The following PLCG2 variants were observed in gnomAD, a reference collection of about 807,000 sequenced individuals.
The protein encoded by PLCG2 is phospholipase C gamma 2.
In PLCG2, 69 loss-of-function variants were observed where a neutral mutation model predicts 175.6. The ratio of observed to expected loss-of-function variants is 0.39; its 90% CI spans 0.32 to 0.48. PLCG2 has a LOEUF of 0.48. PLCG2 is among the 20% of genes least tolerant of loss of function. The pLI is 0.91. For synonymous variants in PLCG2, 827 were observed against 624.0 expected (o/e 1.33, Z -4.85); for missense variants, 1,798 against 1,650.9 (o/e 1.09, Z -1.54).
chr16:81,802,093 C>CTTTTTTTTTTTTTTTTTTTTT lies in PLCG2; in HGVS notation c.193+15929_193+15949dup, dbSNP rs1157731599. Among the ~76,000 whole-genome samples, 24 of 40,014 alleles carry CTTTTTTTTTTTTTTTTTTTTT rather than the reference C, an allele frequency of 6.0e-4. 9 individuals are homozygous for CTTTTTTTTTTTTTTTTTTTTT. Among genetic ancestry groups the CTTTTTTTTTTTTTTTTTTTTT allele is most frequent in the East Asian group, 1.3e-3 (1 of 760 alleles). 26.3% of individuals were successfully genotyped at this position (40,014 alleles called of 152,430 possible). On this transcript the variant is annotated intron_variant, in intron 2 of 32. Transcript: ENST00000564138. ...GTTAGCTCCTTCAGGTGAGTACAGT[C>CTTTTTTTTTTTTTTTTTTTTT]TTTTTTTTTTTTTTTTTTTTTTTTT... is the stretch of plus-strand genomic sequence containing the variant.
In PLCG2 at chr16:81,905,391, T is replaced by G; in HGVS notation, c.1363-12T>G. On this transcript the variant is annotated splice_polypyrimidine_tract_variant and intron_variant, in intron 14 of 32. Transcript: ENST00000564138. Reference sequence around the variant, plus strand: ...TCCATGGAGACAGCCTATGTATATGTTTTCCCCTCAGCATAAGAAGCTGGG... The same window carrying G: ...TCCATGGAGACAGCCTATGTATATGGTTTCCCCTCAGCATAAGAAGCTGGG... The G allele has an allele frequency of 3.7e-6, 6 of 1,602,136 alleles. No homozygotes were observed. Among genetic ancestry groups the G allele is most frequent in the Non-Finnish European group, 5.1e-6 (6 of 1,169,382 alleles).
chr16:81,845,937 C>G (rs1481985839), intron 2 of PLCG2, among the ~76,000 whole-genome samples: 1 of 152,174 alleles, frequency 6.6e-6, no homozygotes, highest in Admixed American at 6.5e-5. Flanking sequence ...TGACCCTGGC[C>G]AAGGTACTTC....
chr16:81,784,918 G>A (rs4281705), intron 1 of PLCG2, among the ~76,000 whole-genome samples: 64,598 of 151,644 alleles, frequency 0.43, 13,925 homozygotes, highest in South Asian at 0.63. Context: ...GAGGCAGAAT[G>A]AGGGAATGGT....
At chr16:81,771,069 A>AAT (rs377476208) in intron 2 of PLCG2, among the ~76,000 whole-genome samples, 81,438 of 144,864 alleles carry the variant, frequency 0.56, 23,299 homozygotes, top group East Asian at 0.7. Flanking sequence ...AAAAAAAAAA[A>AAT]AAATAAATAA....
At chr16:81,841,882 G>C (rs546648704) in intron 2 of PLCG2, among the ~76,000 whole-genome samples, 1 of 152,236 alleles carries the variant, frequency 6.6e-6, no homozygotes, top group East Asian at 1.9e-4. Context: ...GCTGAGATCA[G>C]TAAGCAACGC....
At chr16:81,780,068 G>C (rs1020453630) in intron 1 of PLCG2, among the ~76,000 whole-genome samples, 2 of 152,184 alleles carry the variant, frequency 1.3e-5, no homozygotes, top group African/African-American at 4.8e-5. Context: ...CCGTTTGGAC[G>C]GGGAGCTCCT....
chr16:81,784,334 T>C (rs112424333), intron 1 of PLCG2, among the ~76,000 whole-genome samples: 27 of 152,368 alleles, frequency 1.8e-4, no homozygotes, highest in African/African-American at 6.5e-4. Flanking sequence ...TGGTAAATGC[T>C]GCAGGCTGTG....
intron 31 of PLCG2, 53 bp downstream of exon 31, chr16:81,946,316 G>C (rs1451104686): frequency 2.3e-6 from 3 of 1,302,486 alleles, no homozygotes; most frequent in Non-Finnish European, 3.3e-6. Context: ...TGCTGGTGAG[G>C]GTAGAAACGG....
chr16:81,871,481 G>C (rs1907512100), intron 7 of PLCG2, among the ~76,000 whole-genome samples: 1 of 152,158 alleles, frequency 6.6e-6, no homozygotes, highest in Non-Finnish European at 1.5e-5. Context: ...TGGGATTGCA[G>C]ACGTGCGCCA....
chr16:81,819,108 C>G (rs1904682786), intron 2 of PLCG2, among the ~76,000 whole-genome samples: 1 of 152,024 alleles, frequency 6.6e-6, no homozygotes, highest in Non-Finnish European at 1.5e-5. Flanking sequence ...TGGCAGAGTT[C>G]AGATCCACAT....
intron 2 of PLCG2, chr16:81,767,469 T>G (rs1910176519): frequency 6.6e-6 from 1 of 152,228 alleles, no homozygotes; most frequent in African/African-American, 2.4e-5. Context: ...CTTGTCCTTT[T>G]ACTAGGCTCA....
At chr16:81,942,466 G>A (rs1324741480) in intron 30 of PLCG2, among the ~76,000 whole-genome samples, 1 of 152,256 alleles carries the variant, frequency 6.6e-6, no homozygotes, top group East Asian at 1.9e-4. Flanking sequence ...ATTCATGGGA[G>A]GAATGAAATA....
At chr16:81,913,892 G>T (rs1319922351) in intron 19 of PLCG2, among the ~76,000 whole-genome samples, 1 of 152,174 alleles carries the variant, frequency 6.6e-6, no homozygotes, top group African/African-American at 2.4e-5. Flanking sequence ...GGACCGTGGT[G>T]ACGGTCATTA....
chr16:81,745,333 C>G (rs60771904), intron 1 of PLCG2, among the ~76,000 whole-genome samples: 145 of 152,320 alleles, frequency 9.5e-4, no homozygotes, highest in African/African-American at 3.5e-3. Flanking sequence ...ACAGGAACCT[C>G]TCTTTTCTGT....
At chr16:81,743,101 G>C (rs892933690) in intron 1 of PLCG2, among the ~76,000 whole-genome samples, 1 of 152,074 alleles carries the variant, frequency 6.6e-6, no homozygotes, top group Admixed American at 6.6e-5. Context: ...AGGAGTTTGA[G>C]ACCAGCCTGG....
At position 81,753,699 on chromosome 16, in the gene PLCG2, G is replaced by A. The variant is rs1597303381; in HGVS notation, c.-144-2171G>A. ...ACTGGGATTACAGGCATGAGCCACT[G>A]CACCCAGCAGTGCTGACTTTTGGGA... On this transcript the variant is annotated intron_variant, in intron 1 of 5. Transcript: ENST00000565054. Among the ~76,000 whole-genome samples the A allele has an allele frequency of 2.0e-5, 3 of 152,240 alleles. No individual in the cohort carries two copies. The South Asian group carries it at 6.2e-4, about 32-fold the overall frequency.
chr16:81,926,854 C>T (rs1183442606), intron 22 of PLCG2, among the ~76,000 whole-genome samples: 2 of 152,168 alleles, frequency 1.3e-5, no homozygotes, highest in African/African-American at 2.4e-5. Flanking sequence ...ACATTAAGAT[C>T]ATGTGATGGG....
chr16:81,837,232 G>A lies in PLCG2; in HGVS notation c.194-17212G>A, dbSNP rs183150737. Reference sequence around the variant, plus strand: ...CAGAAAAGTGTGTGATCAAATGAAAGGCTGTTGTTGAAAGGGAAGTCTGCA... The same window carrying A: ...CAGAAAAGTGTGTGATCAAATGAAAAGCTGTTGTTGAAAGGGAAGTCTGCA... On this transcript the variant is annotated intron_variant, in intron 2 of 32. Transcript: ENST00000564138. 3.3e-5 allele frequency among the ~76,000 whole-genome samples: 5 copies of A among 152,356 alleles called. No homozygotes were observed. In the East Asian group the frequency reaches 5.8e-4, roughly 18 times the overall value.
chr16:81,893,309 C>G (rs1402394051), intron 11 of PLCG2, among the ~76,000 whole-genome samples: 2 of 152,234 alleles, frequency 1.3e-5, no homozygotes, highest in Non-Finnish European at 2.9e-5. Context: ...TGCCTGGCCT[C>G]AAGCCTTGAT....
Sources: allele counts gnomAD v4.1 joint callset (sites outside exome capture counted in the v4.1 genomes callset), GRCh38; gene constraint gnomAD v4.1.1; transcripts MANE v1.5; gene names NCBI Gene and HGNC (gene_info 2026-07-23, HGNC 2026-07-21).